BPIFC: variants seen among roughly 807,000 people sequenced by gnomAD.
BPIFC encodes the protein BPI fold-containing family C protein.
A neutral mutation model predicts 57.6 loss-of-function variants in BPIFC; 60 were observed. The observed-to-expected ratio is 1.04, with a 90% CI of 0.85 to 1.29. The LOEUF is 1.29. Ranked by LOEUF, BPIFC falls within the 50% of genes most tolerant of loss-of-function variation. The pLI is 0.00. For synonymous variants in BPIFC, 243 were observed against 224.5 expected (o/e 1.08, Z -0.74); for missense variants, 581 against 600.5 (o/e 0.97, Z 0.34).
chr22:32,421,216 A>G (rs1451469968), intron 13 of BPIFC, among the ~76,000 whole-genome samples: 4 of 152,252 alleles, frequency 2.6e-5, no homozygotes, highest in Non-Finnish European at 5.9e-5. Flanking sequence ...GAGCTGATCC[A>G]TAAGTAGTCC....
chr22:32,462,168 C>CAAAAAAAAAAAAAAAAAAAAACAAAAAA (rs1935174978), intron 1 of BPIFC, among the ~76,000 whole-genome samples: 1 of 53,600 alleles, frequency 1.9e-5, no homozygotes, highest in Non-Finnish European at 3.2e-5. Flanking sequence ...GACTCCATCT[C>CAAAAAAAAAAAAAAAAAAAAACAAAAAA]AAAAAAAAAA....
chr22:32,418,089 A>C (rs574575470), intron 14 of BPIFC, among the ~76,000 whole-genome samples: 10 of 152,288 alleles, frequency 6.6e-5, no homozygotes, highest in Admixed American at 5.2e-4. Context: ...CAGAAGTGAC[A>C]ATAACTGAAA....
chr22:32,426,230 C>T (rs9609547), intron 13 of BPIFC, among the ~76,000 whole-genome samples: 2,841 of 152,284 alleles, frequency 0.019, 41 homozygotes, highest in Middle Eastern at 0.041. Flanking sequence ...CAGGGATGTT[C>T]CACTGATCTC....
rs1933607830 is a variant in BPIFC at position 32,414,350 on chromosome 22, C to T, written c.1477G>A (p.Gly493Ser). The change falls in exon 17 of 17, where the codon GGT (glycine) becomes AGT (serine). Residue 493 changes from glycine to serine, a missense_variant. Transcript: ENST00000300399. ...KQQPSFHVWE[G>S]LNLISRQWRG... is the part of the protein sequence containing the mutation. ...CACTGTCTGCTTATCAGGTTCAGAC[C>T]TTCCCATACGTGGAAACTTGGCTGC... is the stretch of plus-strand genomic sequence containing the variant. The T allele has an allele frequency of 2.5e-6, 4 of 1,613,982 alleles. No individual in the cohort carries two copies. The highest frequency in any genetic ancestry group is 4.5e-5 in the East Asian group (2 of 44,882).
chr22:32,455,168 A>G (rs1935005951), intron 3 of BPIFC, among the ~76,000 whole-genome samples: 1 of 149,174 alleles, frequency 6.7e-6, no homozygotes, highest in Admixed American at 6.8e-5. Flanking sequence ...CTCCTGCCTC[A>G]GCCTCCCAAG....
chr22:32,430,359 C>G (rs1245015910), intron 13 of BPIFC, among the ~76,000 whole-genome samples: 1 of 152,068 alleles, frequency 6.6e-6, no homozygotes, highest in Non-Finnish European at 1.5e-5. Context: ...GCTTTATGCT[C>G]TTTCCTCACT....
intron 3 of BPIFC, among the ~76,000 whole-genome samples, chr22:32,455,948 C>T (rs542058646): frequency 1.7e-4 from 26 of 152,306 alleles, no homozygotes; most frequent in Non-Finnish European, 2.6e-4. Context: ...TGGATGATCC[C>T]GTTTGATCCT....
chr22:32,446,807 T>C (rs1246392845), intron 5 of BPIFC: 5 of 985,258 alleles, frequency 5.1e-6, no homozygotes, highest in Admixed American at 6.1e-5. Flanking sequence ...TGACTACCAT[T>C]CTTCAACCTC....
chr22:32,462,168 C>CAAAAAAAAAAAAAAAAAAAAAA (rs35716277), intron 1 of BPIFC, among the ~76,000 whole-genome samples: 2 of 53,592 alleles, frequency 3.7e-5, no homozygotes, highest in Admixed American at 3.1e-4. Context: ...GACTCCATCT[C>CAAAAAAAAAAAAAAAAAAAAAA]AAAAAAAAAA....
intron 13 of BPIFC, among the ~76,000 whole-genome samples, chr22:32,422,737 A>G (rs926815678): frequency 2.0e-5 from 3 of 152,038 alleles, no homozygotes; most frequent in African/African-American, 4.8e-5. Context: ...GAAAAGATGA[A>G]GAAACCAGCG....
Position 32,447,225 on chromosome 22 carries a change from C to T in BPIFC, c.361G>A (p.Glu121Lys), listed in dbSNP as rs368253432. The T allele has an allele frequency of 1.7e-5, 27 of 1,604,834 alleles. No homozygotes were observed. The highest frequency in any genetic ancestry group is 1.7e-4 in the Middle Eastern group (1 of 6,046). ...TGGAATACTCACAAAAGTGGAGACT[C>T]GAACCCCCAGTCTGTGCTGATGTTG... ...TANISTDWGF[E>K]SPLFQDTGGA... The change falls in exon 5 of 17, where the codon GAG becomes AAG. Residue 121 changes from glutamate to lysine, a missense_variant. Transcript: ENST00000300399.
chr22:32,438,124 T>C (rs1934461255), intron 8 of BPIFC, among the ~76,000 whole-genome samples: 2 of 152,224 alleles, frequency 1.3e-5, no homozygotes, highest in South Asian at 2.1e-4. Context: ...GCAGGGCATA[T>C]GTTCCAAGAC....
intron 8 of BPIFC, among the ~76,000 whole-genome samples, chr22:32,439,334 AAAAT>A (rs1319478792): frequency 6.6e-6 from 1 of 152,108 alleles, no homozygotes; most frequent in Non-Finnish European, 1.5e-5. Context: ...TAAAAAAAAA[AAAAT>A]AAATGAAAGC....
chr22:32,434,413 T>C (rs185604774), intron 10 of BPIFC, among the ~76,000 whole-genome samples: 301 of 149,326 alleles, frequency 2.0e-3, no homozygotes, highest in African/African-American at 7.1e-3. Context: ...ACATATTCTT[T>C]ATATATATTA....
At chr22:32,459,287 G>C (rs1935108931) in intron 2 of BPIFC, among the ~76,000 whole-genome samples, 1 of 152,170 alleles carries the variant, frequency 6.6e-6, no homozygotes, top group Admixed American at 6.5e-5. Context: ...CCAGCACTTT[G>C]GGAGGCCAAG....
chr22:32,414,513 T>A (rs919779313), intron 16 of BPIFC, 88 bp from the exon 17 acceptor site: 1 of 1,468,464 alleles, frequency 6.8e-7, no homozygotes, highest in Non-Finnish European at 9.1e-7. Context: ...GCTTCTTTTT[T>A]TTATTATTTT....
At chr22:32,415,239 G>A (rs1463119233) in intron 16 of BPIFC, among the ~76,000 whole-genome samples, 2 of 152,078 alleles carry the variant, frequency 1.3e-5, no homozygotes, top group African/African-American at 4.8e-5. Flanking sequence ...TTCACTCCTC[G>A]GCCGCTCACC....
intron 13 of BPIFC, among the ~76,000 whole-genome samples, chr22:32,419,783 G>A (rs1289739675): frequency 7.2e-6 from 1 of 139,048 alleles, no homozygotes; most frequent in African/African-American, 2.7e-5. Flanking sequence ...TCCAGCCTGG[G>A]TATCAGAGTG....
intron 8 of BPIFC, among the ~76,000 whole-genome samples, chr22:32,441,682 G>A (rs547541436): frequency 2.6e-5 from 4 of 152,166 alleles, no homozygotes; most frequent in South Asian, 2.1e-4. Context: ...GATAGAGAAC[G>A]GAAAGGATTA....
Sources: allele counts gnomAD v4.1 joint callset (sites outside exome capture counted in the v4.1 genomes callset), GRCh38; gene constraint gnomAD v4.1.1; transcripts MANE v1.5; gene names NCBI Gene and HGNC (gene_info 2026-07-23, HGNC 2026-07-21).